The following CNTNAP3B variants were observed in gnomAD, a reference collection of about 807,000 sequenced individuals.
The protein encoded by CNTNAP3B is contactin-associated protein-like 3B.
In CNTNAP3B, 25 loss-of-function variants were observed where a neutral mutation model predicts 108.9. That is an observed-to-expected ratio of 0.23 (90% CI 0.17 to 0.32). CNTNAP3B has a LOEUF of 0.32. Ranked by LOEUF, CNTNAP3B falls within the 10% of genes least tolerant of loss-of-function variation. CNTNAP3B has a pLI of 1.00. For synonymous variants in CNTNAP3B, 103 were observed against 473.4 expected, an observed-to-expected ratio of 0.22 and a Z score of 10.16; for missense variants, 252 against 1,210.4, an observed-to-expected ratio of 0.21 and a Z score of 11.75.
chr9:41,954,458 A>C (rs1824795508), intron 12 of CNTNAP3B, among the ~76,000 whole-genome samples: 1 of 152,288 alleles, frequency 6.6e-6, no homozygotes, highest in Non-Finnish European at 1.5e-5. Context: ...CTACTGAAAT[A>C]TCTCTTTAGT....
At chr9:42,036,675 G>T (rs1175369121) in intron 3 of CNTNAP3B, among the ~76,000 whole-genome samples, 1 of 136,264 alleles carries the variant, frequency 7.3e-6, no homozygotes, top group Non-Finnish European at 1.6e-5. Context: ...AAACGTCCCT[G>T]TCTGACAGCT....
intron 1 of CNTNAP3B, among the ~76,000 whole-genome samples, chr9:42,124,860 C>A (rs1828534241): frequency 7.3e-6 from 1 of 137,140 alleles, no homozygotes; most frequent in African/African-American, 2.9e-5. Context: ...TGTTATTTCT[C>A]ATAATTGTTT....
intron 9 of CNTNAP3B, among the ~76,000 whole-genome samples, chr9:41,977,732 G>A (rs1463808638): frequency 1.6e-5 from 2 of 126,362 alleles, no homozygotes; most frequent in Non-Finnish European, 3.3e-5. Flanking sequence ...CCATTCTCCT[G>A]CCTCAGCCTC....
intron 1 of CNTNAP3B, among the ~76,000 whole-genome samples, chr9:42,121,561 A>T (rs1011317356): frequency 5.0e-5 from 7 of 139,518 alleles, no homozygotes; most frequent in Admixed American, 1.4e-4. Context: ...CACCCAGGAG[A>T]TGAGCTTTGT....
intron 3 of CNTNAP3B, among the ~76,000 whole-genome samples, chr9:42,063,720 C>T (rs1827214179): frequency 1.5e-5 from 2 of 136,768 alleles, no homozygotes; most frequent in South Asian, 2.4e-4. Flanking sequence ...TGTTTCCTCT[C>T]TCTCTATATC....
rs571447682 is a variant in CNTNAP3B, at chr9:42,089,774, T to A, written c.197-12712A>T. 5.4e-4 allele frequency among the ~76,000 whole-genome samples: 78 copies of A among 144,574 alleles called. 1 individual carries two copies. The East Asian group carries it at 0.016, about 30-fold the overall frequency. 94.8% of individuals were successfully genotyped at this position (144,574 alleles called of 152,430 possible). A position where few individuals can be genotyped will look rare whatever the true frequency, so the allele number is the denominator to read the frequency against. On this transcript the variant is annotated intron_variant, in intron 2 of 23. Coordinates refer to ENST00000377561, the MANE Select transcript of CNTNAP3B (RefSeq NM_001201380.3). ...AGGGAAAAGATCCAATATGTTTCCA[T>A]TTGCTCTGTGTTTGCAGTTTATCAC...
chr9:41,933,738 A>C (rs1381977059), intron 14 of CNTNAP3B, among the ~76,000 whole-genome samples: 2 of 152,252 alleles, frequency 1.3e-5, no homozygotes, highest in Non-Finnish European at 2.9e-5. Flanking sequence ...TCTTTTCCAA[A>C]CTTTTCATCA....
intron 3 of CNTNAP3B, among the ~76,000 whole-genome samples, chr9:42,036,193 T>A (rs528420993): frequency 6.8e-6 from 1 of 148,128 alleles, no homozygotes. Flanking sequence ...GCATGAGCAA[T>A]CCTAACAGCC....
At chr9:41,961,636 A>C (rs1483050778) in intron 11 of CNTNAP3B, among the ~76,000 whole-genome samples, 2 of 152,306 alleles carry the variant, frequency 1.3e-5, no homozygotes, top group African/African-American at 2.4e-5. Flanking sequence ...TTTTAAAGAG[A>C]TAAATGGAAT....
intron 3 of CNTNAP3B, among the ~76,000 whole-genome samples, chr9:42,053,995 T>A (rs1827008715): frequency 1.3e-5 from 2 of 151,924 alleles, no homozygotes; most frequent in Admixed American, 1.3e-4. Context: ...ACACAAAGGT[T>A]TGATGAGAAA....
chr9:41,973,643 T>C (rs1158493159), intron 9 of CNTNAP3B, among the ~76,000 whole-genome samples: 1 of 134,998 alleles, frequency 7.4e-6, no homozygotes, highest in African/African-American at 3.0e-5. Flanking sequence ...TAAAGGTAAG[T>C]TTAAAAGAAT....
At chr9:41,977,786 A>ACTT (rs1324131365) in intron 9 of CNTNAP3B, among the ~76,000 whole-genome samples, 1 of 90,530 alleles carries the variant, frequency 1.1e-5, no homozygotes, top group African/African-American at 5.0e-5. Flanking sequence ...TGCCCAGCTA[A>ACTT]TTTTTTTTTT....
chr9:41,947,265 A>G (rs1236118592), intron 13 of CNTNAP3B, among the ~76,000 whole-genome samples: 1 of 152,110 alleles, frequency 6.6e-6, no homozygotes, highest in Non-Finnish European at 1.5e-5. Flanking sequence ...TATCCCTGGG[A>G]GCCAAACAAA....
At chr9:41,935,294 A>C (rs1824122646) in intron 14 of CNTNAP3B, among the ~76,000 whole-genome samples, 1 of 152,178 alleles carries the variant, frequency 6.6e-6, no homozygotes, top group Non-Finnish European at 1.5e-5. Context: ...CTTATGGAAA[A>C]ATGGCGATGG....
chr9:41,975,447 CATA>C (rs1369716282), intron 9 of CNTNAP3B: 1 of 71,526 alleles, frequency 1.4e-5, no homozygotes, highest in African/African-American at 6.8e-5. Flanking sequence ...ATCTAGTTTT[CATA>C]ATGAGTTCAT....
chr9:41,938,700 C>A (rs1165185235), intron 13 of CNTNAP3B, among the ~76,000 whole-genome samples: 3 of 152,250 alleles, frequency 2.0e-5, no homozygotes, highest in East Asian at 1.9e-4. Context: ...AAAAAATTCA[C>A]CATTAAAATT....
intron 15 of CNTNAP3B, among the ~76,000 whole-genome samples, chr9:41,924,617 C>CAGAA (rs1213994106): frequency 2.8e-5 from 4 of 144,780 alleles, no homozygotes; most frequent in African/African-American, 1.1e-4. Context: ...CTCCAGAAGC[C>CAGAA]AGAACACAGA....
rs1424565009 is a variant in CNTNAP3B at position 42,005,321 on chromosome 9, G to T, written c.539-6717C>A. Among the ~76,000 whole-genome samples the T allele has an allele frequency of 2.4e-4, 9 of 37,630 alleles. 3 individuals carry two copies. The highest frequency in any genetic ancestry group is 6.0e-4 in the African/African-American group (9 of 15,026). 24.7% of individuals were successfully genotyped at this position (37,630 alleles called of 152,430 possible). ...CCCTCACACCTCAGCCTACTGAGTA[G>T]CTGGGACTACAGGCACACATCACCA... On this transcript the variant is annotated intron_variant, in intron 4 of 23. Coordinates refer to ENST00000377561, the MANE Select transcript of CNTNAP3B (RefSeq NM_001201380.3).
At chr9:42,116,585 A>G (rs926164709) in intron 1 of CNTNAP3B, among the ~76,000 whole-genome samples, 2 of 139,234 alleles carry the variant, frequency 1.4e-5, no homozygotes, top group Admixed American at 7.2e-5. Context: ...AATTGTAAAG[A>G]CCATCAAGGC....
Sources: allele counts gnomAD v4.1 joint callset (sites outside exome capture counted in the v4.1 genomes callset), GRCh38; gene constraint gnomAD v4.1.1; transcripts MANE v1.5; gene names NCBI Gene and HGNC (gene_info 2026-07-23, HGNC 2026-07-21).